The following TNFAIP6 variants were observed in gnomAD, a reference collection of about 807,000 sequenced individuals.
The protein encoded by TNFAIP6 is TNF alpha induced protein 6.
Under a neutral mutation model 33.7 loss-of-function variants are expected in TNFAIP6, and 36 were observed. The observed-to-expected ratio is 1.07, with a 90% CI of 0.82 to 1.41. TNFAIP6 has a LOEUF of 1.41. TNFAIP6 is among the 40% of genes most tolerant of loss of function. The probability of loss-of-function intolerance (pLI) is 0.00; values close to 1 mark genes in which losing one functional copy is unlikely to be tolerated. For missense variants in TNFAIP6, 273 were observed against 331.9 expected, an observed-to-expected ratio of 0.82 and a Z score of 1.38; for synonymous variants, 113 against 112.8, an observed-to-expected ratio of 1.00 and a Z score of -0.01.
At chr2:151,377,231 A>G (rs958599823) in intron 5 of TNFAIP6, among the ~76,000 whole-genome samples, 17 of 150,562 alleles carry the variant, frequency 1.1e-4, no homozygotes, top group East Asian at 7.8e-4. Flanking sequence ...GTGCAGTGGC[A>G]GGATCTCGGC....
At chr2:151,380,562 T>C (rs1212267394), downstream of TNFAIP6, among the ~76,000 whole-genome samples, 5 of 152,206 alleles carry the variant, frequency 3.3e-5, no homozygotes, top group Admixed American at 6.5e-5. Flanking sequence ...TAAAATAGAA[T>C]GAGTGTTCTG....
intron 5 of TNFAIP6, among the ~76,000 whole-genome samples, chr2:151,378,782 C>A (rs1345253812): frequency 6.6e-6 from 1 of 151,822 alleles, no homozygotes; most frequent in African/African-American, 2.4e-5. Flanking sequence ...ACCCACCAGG[C>A]CCAGCCCAAG....
At chr2:151,372,629 A>C (rs540629322) in intron 4 of TNFAIP6, among the ~76,000 whole-genome samples, 2 of 152,284 alleles carry the variant, frequency 1.3e-5, no homozygotes, top group Non-Finnish European at 2.9e-5. Flanking sequence ...ATTAGAAATA[A>C]ATTTTTAAGG....
intron 3 of TNFAIP6, among the ~76,000 whole-genome samples, chr2:151,368,957 C>G (rs1684764318): frequency 6.6e-6 from 1 of 152,186 alleles, no homozygotes; most frequent in Non-Finnish European, 1.5e-5. Flanking sequence ...CTTTGGGAAG[C>G]TGAGGTGGGT....
At position 151,373,581 on chromosome 2, in the gene TNFAIP6, TCAGTA is replaced by T; in HGVS notation, c.660_664del (p.Ser220ArgfsTer11). 6.4e-7 allele frequency: 1 copy of T among 1,553,716 alleles called. No homozygotes were observed. The highest frequency in any genetic ancestry group is 8.7e-7 in the Non-Finnish European group (1 of 1,145,646). Reference sequence around the variant, plus strand: ...GGAGATGAGCTTCCAGATGACATCATCAGTACAGGTAAGGTTTTAAATTGAGGACC... The same window carrying T: ...GGAGATGAGCTTCCAGATGACATCATCAGGTAAGGTTTTAAATTGAGGACC... On this transcript the variant is annotated frameshift_variant, in exon 5 of 6. Coordinates refer to ENST00000243347, the MANE Select transcript of TNFAIP6 (RefSeq NM_007115.4). LOFTEE classifies it high-confidence loss of function.
rs1684977581 is a variant in TNFAIP6 at position 151,379,480 on chromosome 2, A to G, written c.781A>G (p.Thr261Ala). The G allele has an allele frequency of 5.6e-6, 9 of 1,596,668 alleles. No homozygotes were observed. The highest frequency in any genetic ancestry group is 3.4e-5 in the South Asian group (3 of 87,202). ...ATCCAGTCAAGGAAAAAATACAAGTACTACTTCTACTGGAAATAAAAACTT... is the reference window on the plus strand; with the variant it reads ...ATCCAGTCAAGGAAAAAATACAAGTGCTACTTCTACTGGAAATAAAAACTT... ...SKSSQGKNTS[T>A]TSTGNKNFLA... Residue 261 changes from threonine (T) to alanine (A), a missense_variant, in exon 6 of 6, where the codon ACT becomes GCT. By Grantham distance (58) the Thr-to-Ala change is moderately conservative. Transcript: ENST00000243347.
At chr2:151,370,427 A>T (rs912060681) in intron 4 of TNFAIP6, among the ~76,000 whole-genome samples, 179 bp downstream of exon 4, 10 of 152,256 alleles carry the variant, frequency 6.6e-5, no homozygotes, top group African/African-American at 2.4e-4. Context: ...CATACTTATT[A>T]AAGCAGTGAG....
chr2:151,380,140 T>G (rs910549690), downstream of TNFAIP6: 3 of 152,170 alleles, frequency 2.0e-5, no homozygotes, highest in Non-Finnish European at 4.4e-5. Context: ...TCTGTTTTGA[T>G]AGGCAAAAAT....
In TNFAIP6 at chr2:151,364,016, G is replaced by A. The variant is rs369173073; in HGVS notation, c.168G>A (p.Ala56=). ...KYKLTYAEAK[A]VCEFEGGHLA... ...AGCTCACCTACGCAGAAGCTAAGGC[G>A]GTGTGTGAATTTGAAGGCGGCCATC... is the stretch of plus-strand genomic sequence containing the variant. The change falls in exon 2 of 6, where the codon GCG becomes GCA. Residue 56 remains alanine (A), a synonymous_variant. Coordinates refer to ENST00000243347, the MANE Select transcript of TNFAIP6 (RefSeq NM_007115.4). The A allele has an allele frequency of 2.4e-5, 39 of 1,613,940 alleles. No homozygotes were observed. The highest frequency in any genetic ancestry group is 3.1e-5 in the Non-Finnish European group (37 of 1,180,004).
At chr2:151,368,251 A>G (rs1431197907) in intron 3 of TNFAIP6, 2 of 153,808 alleles carry the variant, frequency 1.3e-5, no homozygotes, top group Non-Finnish European at 2.9e-5. Flanking sequence ...TGGGAAAGGT[A>G]TGGCTACATT....
intron 5 of TNFAIP6, among the ~76,000 whole-genome samples, chr2:151,377,779 A>C (rs1021481233): frequency 5.9e-5 from 9 of 151,934 alleles, no homozygotes; most frequent in Admixed American, 1.3e-4. Flanking sequence ...ATTTTCTCTC[A>C]GTCTGTCTCG....
chr2:151,374,901 C>T (rs568192605), intron 5 of TNFAIP6, among the ~76,000 whole-genome samples: 2 of 151,672 alleles, frequency 1.3e-5, no homozygotes, highest in Non-Finnish European at 2.9e-5. Flanking sequence ...CAAGGCAGGC[C>T]GATCACCTGA....
chr2:151,366,252 A>G, intron 3 of TNFAIP6, 35 bp downstream of exon 3: 1 of 1,600,432 alleles, frequency 6.2e-7, no homozygotes, highest in Non-Finnish European at 8.6e-7. Flanking sequence ...GTTTTGCAAA[A>G]ACAGTTCCAT....
At chr2:151,371,190 A>G (rs547130326) in intron 4 of TNFAIP6, among the ~76,000 whole-genome samples, 12 of 152,176 alleles carry the variant, frequency 7.9e-5, no homozygotes, top group African/African-American at 2.6e-4. Context: ...TCTCTTTAAT[A>G]TTTTTCCTTT....
At chr2:151,375,873 G>A (rs1216719550) in intron 5 of TNFAIP6, among the ~76,000 whole-genome samples, 1 of 152,220 alleles carries the variant, frequency 6.6e-6, no homozygotes, top group East Asian at 1.9e-4. Context: ...AGCACTTTGG[G>A]AGGCCAAGGT....
chr2:151,379,718 C>T lies in TNFAIP6; in HGVS notation c.*185C>T, dbSNP rs1684981566. ...GAGAAAATGAAACCTCTCATAATCCCACTGCATAGAAATAACAAGCGTTAA... is the reference window on the plus strand; with the variant it reads ...GAGAAAATGAAACCTCTCATAATCCTACTGCATAGAAATAACAAGCGTTAA... On this transcript the variant is annotated 3_prime_UTR_variant, in exon 6 of 6. Transcript: ENST00000243347. The T allele has an allele frequency of 2.4e-6, 1 of 417,596 alleles. No homozygotes were observed. The highest frequency in any genetic ancestry group is 4.3e-5 in the Admixed American group (1 of 23,348). The allele number at this position is 417,596 out of a possible 1,614,324, so 25.9% of individuals were successfully genotyped here. A position where few individuals can be genotyped will look rare whatever the true frequency, so the allele number is the denominator to read the frequency against.
intron 5 of TNFAIP6, among the ~76,000 whole-genome samples, chr2:151,379,146 A>G (rs375576647): frequency 6.6e-6 from 1 of 152,136 alleles, no homozygotes; most frequent in Non-Finnish European, 1.5e-5. Context: ...TTCCTGTAGG[A>G]TAGATTGGAG....
rs1558903319 is a variant in TNFAIP6 at position 151,379,678 on chromosome 2, T to C, written c.*145T>C. The C allele has an allele frequency of 3.4e-6, 2 of 583,770 alleles. No individual in the cohort carries two copies. The highest frequency in any genetic ancestry group is 5.2e-6 in the Non-Finnish European group (2 of 383,986). 36.2% of individuals were successfully genotyped at this position (583,770 alleles called of 1,614,324 possible). ...ATAATTTAGGGAAAATTGGAAAATA[T>C]AGGAAACTTTAAACGAGAAAATGAA... On this transcript the variant is annotated 3_prime_UTR_variant, in exon 6 of 6. Transcript: ENST00000243347.
Position 151,379,413 on chromosome 2 carries a change from A to G in TNFAIP6, c.714A>G (p.Gly238=). The G allele has an allele frequency of 6.2e-7, 1 of 1,609,638 alleles. No homozygotes were observed. Among genetic ancestry groups the G allele is most frequent in the Non-Finnish European group, 8.5e-7 (1 of 1,178,222 alleles). Residue 238 remains glycine, a synonymous_variant, in exon 6 of 6, where the codon GGA becomes GGG. Coordinates refer to ENST00000243347, the MANE Select transcript of TNFAIP6 (RefSeq NM_007115.4). ...TAAGTGATGCTTCAGTGACAGCTGG[A>G]GGTTTCCAAATCAAATATGTTGCAA... ...KFLSDASVTA[G]GFQIKYVAMD... is the part of the protein sequence containing the mutation.
Sources: allele counts gnomAD v4.1 joint callset (sites outside exome capture counted in the v4.1 genomes callset), GRCh38; gene constraint gnomAD v4.1.1; transcripts MANE v1.5; gene names NCBI Gene and HGNC (gene_info 2026-07-23, HGNC 2026-07-21).